SGCZ: variants seen among roughly 807,000 people sequenced by gnomAD.
SGCZ encodes the protein zeta-sarcoglycan.
In SGCZ, 40 loss-of-function variants were observed where a neutral mutation model predicts 41.3. The observed-to-expected ratio is 0.97, with a 90% CI of 0.75 to 1.26. The LOEUF (loss-of-function observed/expected upper bound fraction) is 1.26, where lower values mean the gene tolerates loss of function less well. Among genes scored for constraint, SGCZ ranks in the 50% most tolerant of loss-of-function variants. SGCZ has a pLI of 0.00. For synonymous variants in SGCZ, 206 were observed against 137.5 expected (o/e 1.50, Z -3.49); for missense variants, 552 against 369.8 (o/e 1.49, Z -4.04).
At chr8:14,444,732 C>T (rs187037057) in intron 2 of SGCZ, among the ~76,000 whole-genome samples, 4 of 151,812 alleles carry the variant, frequency 2.6e-5, no homozygotes, top group Non-Finnish European at 4.4e-5. Context: ...TTAATGGGTG[C>T]AGCACACCCG....
intron 1 of SGCZ, among the ~76,000 whole-genome samples, chr8:14,625,483 A>G (rs1585134871): frequency 6.6e-6 from 1 of 152,346 alleles, no homozygotes; most frequent in East Asian, 1.9e-4. Context: ...TATGAGCATT[A>G]CATGGCTAGA....
At chr8:14,697,266 C>A (rs1186630156) in intron 1 of SGCZ, among the ~76,000 whole-genome samples, 1 of 151,942 alleles carries the variant, frequency 6.6e-6, no homozygotes, top group Non-Finnish European at 1.5e-5. Context: ...TTACTACATG[C>A]CAGAAATGAC....
intron 3 of SGCZ, among the ~76,000 whole-genome samples, chr8:14,261,889 A>G (rs1467283418): frequency 6.6e-6 from 1 of 152,186 alleles, no homozygotes; most frequent in Non-Finnish European, 1.5e-5. Flanking sequence ...AAGCAAAGCA[A>G]AAGTAGAGGA....
At chr8:14,615,671 T>G (rs935835809) in intron 1 of SGCZ, among the ~76,000 whole-genome samples, 1 of 152,176 alleles carries the variant, frequency 6.6e-6, no homozygotes, top group Admixed American at 6.5e-5. Context: ...GACAAAATTG[T>G]AAGTATTAAG....
At chr8:15,062,537 A>G (rs1232635821) in intron 1 of SGCZ, among the ~76,000 whole-genome samples, 1 of 152,188 alleles carries the variant, frequency 6.6e-6, no homozygotes, top group East Asian at 1.9e-4. Flanking sequence ...ACATATCTGT[A>G]TCCATTACGC....
chr8:15,084,325 T>C (rs1236264433), intron 1 of SGCZ, among the ~76,000 whole-genome samples: 1 of 152,230 alleles, frequency 6.6e-6, no homozygotes. Context: ...TTATGTCTGA[T>C]ATGAATTACA....
In SGCZ at chr8:14,801,694, G is replaced by A. The variant is rs917860906; in HGVS notation, c.40-246768C>T. 3.9e-5 allele frequency among the ~76,000 whole-genome samples: 6 copies of A among 152,130 alleles called. No homozygotes were observed. In the East Asian group the frequency reaches 1.2e-3, roughly 29 times the overall value. On this transcript the variant is annotated intron_variant, in intron 1 of 7. Coordinates refer to ENST00000382080, the MANE Select transcript of SGCZ (RefSeq NM_139167.4). ...GGGGAAAATCAGGCAGAGACTAAAG[G>A]ATAGAAAACTTGCTAGAAGGATCAA...
chr8:14,309,630 G>A (rs1196176523), intron 3 of SGCZ: 21 of 1,610,752 alleles, frequency 1.3e-5, no homozygotes, highest in Admixed American at 5.0e-5. Flanking sequence ...CGCAGACACA[G>A]CTACTAAGAG....
chr8:14,714,014 C>A (rs745751485), intron 1 of SGCZ, among the ~76,000 whole-genome samples: 1 of 152,136 alleles, frequency 6.6e-6, no homozygotes, highest in Non-Finnish European at 1.5e-5. Flanking sequence ...TGTACCCAGG[C>A]TGGAGTGCAA....
intron 2 of SGCZ, among the ~76,000 whole-genome samples, chr8:14,365,038 A>G (rs879922065): frequency 6.6e-6 from 1 of 152,058 alleles, no homozygotes; most frequent in Non-Finnish European, 1.5e-5. Context: ...AAATGTACAT[A>G]TATAATGTTG....
chr8:14,425,997 T>A lies in SGCZ; in HGVS notation c.235-101793A>T, dbSNP rs113023866. Among the ~76,000 whole-genome samples the A allele has an allele frequency of 4.0e-5, 6 of 151,714 alleles. No individual in the cohort carries two copies. In the East Asian group the frequency reaches 9.6e-4, roughly 24 times the overall value. On this transcript the variant is annotated intron_variant, in intron 2 of 7. Coordinates refer to ENST00000382080, the MANE Select transcript of SGCZ (RefSeq NM_139167.4). ...AAGCACTTATGTACCTAAATATTAA[T>A]TAACATTAATTAACATTAATTGCAA...
intron 1 of SGCZ, among the ~76,000 whole-genome samples, chr8:14,692,481 T>C (rs1180247382): frequency 6.6e-6 from 1 of 152,048 alleles, no homozygotes; most frequent in Non-Finnish European, 1.5e-5. Flanking sequence ...AGTAATACCA[T>C]ATAGGAAAGT....
At position 14,108,145 on chromosome 8, in the gene SGCZ, A is replaced by G. The variant is rs374658209; in HGVS notation, c.620+18T>C. ...CAATGATGGATTTTATGCCACAGGT[A>G]TAAGAGGAAGCCCTTACCTGAGATC... On this transcript the variant is annotated intron_variant, in intron 6 of 7. Transcript: ENST00000382080. 4 of 1,612,928 alleles carry G rather than the reference A, an allele frequency of 2.5e-6. No homozygotes were observed. Among genetic ancestry groups the G allele is most frequent in the African/African-American group, 1.3e-5 (1 of 74,900 alleles).
intron 2 of SGCZ, among the ~76,000 whole-genome samples, chr8:14,407,116 T>C (rs1175815684): frequency 7.0e-6 from 1 of 143,292 alleles, no homozygotes; most frequent in Non-Finnish European, 1.5e-5. Context: ...GTCACCAGGC[T>C]GGAGTGCAGT....
chr8:15,236,986 C>A (rs1370115115), intron 1 of SGCZ, among the ~76,000 whole-genome samples: 3 of 152,166 alleles, frequency 2.0e-5, no homozygotes, highest in Non-Finnish European at 2.9e-5. Context: ...AGCGGGGGTA[C>A]CTCTCCAGCC....
At chr8:15,219,646 T>C (rs557718045) in intron 1 of SGCZ, among the ~76,000 whole-genome samples, 2 of 152,298 alleles carry the variant, frequency 1.3e-5, no homozygotes, top group South Asian at 2.1e-4. Context: ...GTAGCTGAGA[T>C]ATTTACCGGA....
chr8:14,597,823 T>C (rs1805462450), intron 1 of SGCZ, among the ~76,000 whole-genome samples: 1 of 152,156 alleles, frequency 6.6e-6, no homozygotes, highest in South Asian at 2.1e-4. Context: ...GACTCAACCA[T>C]GAGCACCACA....
At chr8:14,459,015 A>G (rs985318441) in intron 2 of SGCZ, among the ~76,000 whole-genome samples, 1 of 152,114 alleles carries the variant, frequency 6.6e-6, no homozygotes, top group East Asian at 1.9e-4. Flanking sequence ...CAAACTGGGC[A>G]CCCTCTCATC....
At chr8:14,649,324 A>G (rs1276522451) in intron 1 of SGCZ, among the ~76,000 whole-genome samples, 1 of 152,118 alleles carries the variant, frequency 6.6e-6, no homozygotes, top group African/African-American at 2.4e-5. Flanking sequence ...TGACATGCAT[A>G]CTTTGCCAAT....
Sources: allele counts gnomAD v4.1 joint callset (sites outside exome capture counted in the v4.1 genomes callset), GRCh38; gene constraint gnomAD v4.1.1; transcripts MANE v1.5; gene names NCBI Gene and HGNC (gene_info 2026-07-23, HGNC 2026-07-21).